NME5: variants seen among roughly 807,000 people sequenced by gnomAD.
NME5 encodes the protein NME/NM23 family member 5.
In NME5, 18 loss-of-function variants were observed where a neutral mutation model predicts 21.6. The observed-to-expected ratio is 0.83, with a 90% CI of 0.58 to 1.24. The LOEUF is 1.24. NME5 is among the 50% of genes most tolerant of loss of function. NME5 has a pLI of 0.00. For missense variants in NME5, 223 were observed against 255.4 expected (o/e 0.87, Z 0.86); for synonymous variants, 70 against 80.6 (o/e 0.87, Z 0.71).
At chr5:138,123,376 T>C (rs1751329759) in intron 4 of NME5, among the ~76,000 whole-genome samples, 1 of 152,138 alleles carries the variant, frequency 6.6e-6, no homozygotes, top group African/African-American at 2.4e-5. Flanking sequence ...TTCCATCCCC[T>C]ACTCTCTCTT....
intron 2 of NME5, 160 bp downstream of exon 2, chr5:138,138,492 T>A (rs1751769461): frequency 1.0e-5 from 6 of 596,596 alleles, no homozygotes; most frequent in Non-Finnish European, 1.4e-5. Flanking sequence ...TCATTTTACA[T>A]CCTTTTAAAA....
At chr5:138,134,875 C>T (rs1293626612) in intron 2 of NME5, among the ~76,000 whole-genome samples, 8 of 151,046 alleles carry the variant, frequency 5.3e-5, no homozygotes. Flanking sequence ...GCCACTGCGC[C>T]CGGCTAATTT....
At chr5:138,129,661 C>T (rs1344190981) in intron 2 of NME5, among the ~76,000 whole-genome samples, 193 bp from the exon 3 acceptor site, 1 of 152,258 alleles carries the variant, frequency 6.6e-6, no homozygotes, top group African/African-American at 2.4e-5. Flanking sequence ...ACTTAGCCTA[C>T]TTAAGAAAAA....
chr5:138,128,516 A>G lies in NME5; in HGVS notation c.399T>C (p.Ala133=), dbSNP rs1751484607. 1 of 1,613,272 alleles carries G rather than the reference A, an allele frequency of 6.2e-7. No homozygotes were observed. Among genetic ancestry groups the G allele is most frequent in the African/African-American group, 1.3e-5 (1 of 74,902 alleles). ...TAAAACGTATTTCTCTTTCCGCAGC[A>G]GCAAAGTCATTACTCCCATGAAGTG... ...RNALHGSNDF[A]AAEREIRFMF... The change falls in exon 4 of 6, where the codon GCT becomes GCC. Residue 133 remains alanine, a synonymous_variant. Transcript: ENST00000265191.
At chr5:138,128,425 G>T in intron 4 of NME5, 54 bp downstream of exon 4, 1 of 1,328,826 alleles carries the variant, frequency 7.5e-7, no homozygotes, top group Non-Finnish European at 1.1e-6. Context: ...CAAAATAAAA[G>T]AAAAAGCAAA....
At chr5:138,116,976 G>C (rs570421044) in intron 5 of NME5, among the ~76,000 whole-genome samples, 1 of 152,170 alleles carries the variant, frequency 6.6e-6, no homozygotes, top group Non-Finnish European at 1.5e-5. Flanking sequence ...TGGAGGCCGA[G>C]GTAGGAAGAT....
At position 138,122,441 on chromosome 5, in the gene NME5, T is replaced by A. The variant is rs1192150181; in HGVS notation, c.437-3505A>T. Among the ~76,000 whole-genome samples the A allele has an allele frequency of 8.1e-4, 28 of 34,462 alleles. 1 individual carries two copies. Among genetic ancestry groups the A allele is most frequent in the Non-Finnish European group, 9.4e-4 (18 of 19,224 alleles). The allele number at this position is 34,462 out of a possible 152,430, so 22.6% of individuals were successfully genotyped here. A position where few individuals can be genotyped will look rare whatever the true frequency, so the allele number is the denominator to read the frequency against. Reference sequence around the variant, plus strand: ...GGTGACAAGAGCGAAACTCTGTCTCTAAAAAAAAAAAAAAAAAAAAAAAAA... The same window carrying A: ...GGTGACAAGAGCGAAACTCTGTCTCAAAAAAAAAAAAAAAAAAAAAAAAAA... On this transcript the variant is annotated intron_variant, in intron 4 of 5. Transcript: ENST00000265191.
At chr5:138,129,679 C>T (rs539816187) in intron 2 of NME5, among the ~76,000 whole-genome samples, 14 of 152,206 alleles carry the variant, frequency 9.2e-5, no homozygotes, top group Admixed American at 3.9e-4. Context: ...AAATTATGGC[C>T]GGGTGCGGTG....
intron 4 of NME5, 43 bp from the exon 5 acceptor site, chr5:138,118,979 T>C (rs1237173073): frequency 9.0e-7 from 1 of 1,111,212 alleles, no homozygotes; most frequent in Non-Finnish European, 1.4e-6. Context: ...ACATAATGAT[T>C]AAATACTATA....
At chr5:138,117,204 C>CAAAAAAAAAAAAAA (rs34623624) in intron 5 of NME5, among the ~76,000 whole-genome samples, 2 of 63,576 alleles carry the variant, frequency 3.1e-5, no homozygotes, top group East Asian at 4.4e-4. Context: ...GACCCTGTCT[C>CAAAAAAAAAAAAAA]AAAAAAAAAA....
chr5:138,117,544 A>C (rs1751188662), intron 5 of NME5, among the ~76,000 whole-genome samples: 2 of 152,182 alleles, frequency 1.3e-5, no homozygotes, highest in South Asian at 4.1e-4. Flanking sequence ...AAAGGACTTC[A>C]ATTTGAATAG....
intron 4 of NME5, among the ~76,000 whole-genome samples, chr5:138,127,869 T>C (rs1005135964): frequency 6.6e-6 from 1 of 152,084 alleles, no homozygotes; most frequent in African/African-American, 2.4e-5. Context: ...TCAGGATAAC[T>C]AGAAAGAACT....
chr5:138,134,629 C>G (rs1161790030), intron 2 of NME5, among the ~76,000 whole-genome samples: 1 of 152,198 alleles, frequency 6.6e-6, no homozygotes, highest in African/African-American at 2.4e-5. Context: ...ATCCACCCGC[C>G]TCATCCTCCC....
At chr5:138,133,397 G>A (rs1751619711) in intron 2 of NME5, among the ~76,000 whole-genome samples, 1 of 151,898 alleles carries the variant, frequency 6.6e-6, no homozygotes, top group African/African-American at 2.4e-5. Context: ...GAGCCACCGC[G>A]CCCGGCCTTA....
chr5:138,137,697 C>G (rs562120654), intron 2 of NME5, among the ~76,000 whole-genome samples: 1 of 151,282 alleles, frequency 6.6e-6, no homozygotes, highest in Non-Finnish European at 1.5e-5. Flanking sequence ...ATTGGAAGTT[C>G]GAATGAGAAT....
intron 4 of NME5, among the ~76,000 whole-genome samples, chr5:138,122,275 C>T (rs1381250380): frequency 1.3e-5 from 2 of 151,284 alleles, no homozygotes; most frequent in African/African-American, 4.9e-5. Flanking sequence ...CCTGTCTCTA[C>T]TAAAAATACA....
intron 2 of NME5, 102 bp from the exon 3 acceptor site, chr5:138,129,570 C>G (rs1464404367): frequency 1.4e-6 from 1 of 738,772 alleles, no homozygotes. Context: ...CTGATTATAA[C>G]TTCAAGGTTT....
chr5:138,128,479 C>T lies in NME5; in HGVS notation c.436G>A (p.Val146Met), dbSNP rs1746451237. 1 of 1,610,402 alleles carries T rather than the reference C, an allele frequency of 6.2e-7. No individual in the cohort carries two copies. The highest frequency in any genetic ancestry group is 8.5e-7 in the Non-Finnish European group (1 of 1,177,962). Residue 146 changes from valine (V) to methionine (M), a missense_variant and splice_region_variant, in exon 4 of 6, where the codon GTG becomes ATG. Val to Met is a conservative substitution (Grantham distance 21). Transcript: ENST00000265191. ...GACAAGTTAGTCATCTGTAACTCAC[C>T]TTCAGGAAACATAAAACGTATTTCT... The part of the protein sequence containing the change: ...EREIRFMFPE[V>M]IVEPIPIGQA...
At chr5:138,131,392 T>A (rs1328794997) in intron 2 of NME5, among the ~76,000 whole-genome samples, 16 of 140,952 alleles carry the variant, frequency 1.1e-4, no homozygotes, top group Admixed American at 9.2e-4. Flanking sequence ...AAAAAAAAAA[T>A]ACAAAAATTA....
Sources: gnomAD v4.1 joint callset for allele counts (sites outside exome capture counted in the v4.1 genomes callset) on GRCh38, gnomAD v4.1.1 for gene constraint, MANE v1.5 for transcripts, NCBI Gene and HGNC (gene_info 2026-07-23, HGNC 2026-07-21) for gene names.